Variants in SIPA1L1 observed in about 807,000 individuals in gnomAD.
SIPA1L1 encodes signal induced proliferation associated 1 like 1.
A neutral mutation model predicts 162.7 loss-of-function variants in SIPA1L1; 26 were observed. The ratio of observed to expected loss-of-function variants is 0.16; its 90% CI spans 0.12 to 0.22. SIPA1L1 has a LOEUF of 0.22. Ranked by LOEUF, SIPA1L1 falls within the 10% of genes least tolerant of loss-of-function variation. The pLI is 1.00. For synonymous variants in SIPA1L1, 829 were observed against 837.4 expected, an observed-to-expected ratio of 0.99 and a Z score of 0.17; for missense variants, 1,874 against 2,241.0, an observed-to-expected ratio of 0.84 and a Z score of 3.31.
intron 4 of SIPA1L1, among the ~76,000 whole-genome samples, chr14:71,545,703 G>A (rs1017365710): frequency 1.2e-4 from 18 of 151,934 alleles, no homozygotes; most frequent in African/African-American, 3.9e-4. Flanking sequence ...CTGGCCCATC[G>A]AACTAGCTAG....
At chr14:71,604,229 G>A (rs2037210973) in intron 5 of SIPA1L1, among the ~76,000 whole-genome samples, 1 of 151,714 alleles carries the variant, frequency 6.6e-6, no homozygotes, top group Non-Finnish European at 1.5e-5. Context: ...GAACTCCTGA[G>A]CTCAAGCCAT....
chr14:71,427,707 A>C (rs1359797655), intron 2 of SIPA1L1, among the ~76,000 whole-genome samples: 2 of 151,882 alleles, frequency 1.3e-5, no homozygotes, highest in East Asian at 3.9e-4. Context: ...TGATTCCCTC[A>C]GTGGATTTTT....
intron 14 of SIPA1L1, among the ~76,000 whole-genome samples, chr14:71,701,049 A>G (rs2082065737): frequency 6.8e-6 from 1 of 147,194 alleles, no homozygotes; most frequent in Non-Finnish European, 1.5e-5. Context: ...TATTAAGATA[A>G]GTGTTTTTCT....
At chr14:71,356,567 C>CAAAAAAAAAAAAAAAAAAA (rs71105772) in intron 2 of SIPA1L1, among the ~76,000 whole-genome samples, 950 of 39,142 alleles carry the variant, frequency 0.024, 365 homozygotes, top group Middle Eastern at 0.036. Context: ...CTTGTCTCTA[C>CAAAAAAAAAAAAAAAAAAA]AAAAAAAAAA....
intron 7 of SIPA1L1, among the ~76,000 whole-genome samples, chr14:71,636,974 C>T (rs1305274126): frequency 6.6e-6 from 1 of 151,270 alleles, no homozygotes; most frequent in Admixed American, 6.6e-5. Flanking sequence ...TTATTTGAAC[C>T]CGGGAGGCAG....
At chr14:71,502,010 C>G (rs996573393) in intron 2 of SIPA1L1, among the ~76,000 whole-genome samples, 2 of 148,550 alleles carry the variant, frequency 1.3e-5, no homozygotes, top group Non-Finnish European at 3.0e-5. Context: ...TACACTCTAC[C>G]CTGGGCGACA....
chr14:71,517,429 A>AC (rs2051854411), intron 3 of SIPA1L1, among the ~76,000 whole-genome samples: 1 of 152,128 alleles, frequency 6.6e-6, no homozygotes, highest in Admixed American at 6.6e-5. Flanking sequence ...TGCAAACAAA[A>AC]CCACATTCTG....
At chr14:71,571,824 T>G (rs1230369682) in intron 4 of SIPA1L1, among the ~76,000 whole-genome samples, 1 of 151,262 alleles carries the variant, frequency 6.6e-6, no homozygotes, top group East Asian at 1.9e-4. Flanking sequence ...TTTTTTTTTT[T>G]TGTATTTTTA....
intron 5 of SIPA1L1, among the ~76,000 whole-genome samples, chr14:71,611,836 C>A (rs191145356): frequency 5.9e-5 from 9 of 152,156 alleles, no homozygotes; most frequent in African/African-American, 2.2e-4. Flanking sequence ...CAAGTCTTTG[C>A]TATTGTAAAT....
chr14:71,327,080 C>CTT (rs532549428), intron 2 of SIPA1L1, among the ~76,000 whole-genome samples: 14 of 127,710 alleles, frequency 1.1e-4, no homozygotes, highest in East Asian at 2.3e-4. Flanking sequence ...TGATTGAAAT[C>CTT]TTTTTTTTTT....
At chr14:71,536,827 T>C (rs1227037841) in intron 4 of SIPA1L1, among the ~76,000 whole-genome samples, 4 of 152,270 alleles carry the variant, frequency 2.6e-5, no homozygotes, top group Admixed American at 2.0e-4. Flanking sequence ...GGCGTTATAA[T>C]GTGTTTTTAA....
intron 2 of SIPA1L1, among the ~76,000 whole-genome samples, chr14:71,383,818 G>T (rs2040102064): frequency 6.6e-6 from 1 of 152,134 alleles, no homozygotes; most frequent in Non-Finnish European, 1.5e-5. Flanking sequence ...CCATGATCTA[G>T]TACCTCCCAG....
At chr14:71,643,782 A>G (rs1596597549) in intron 7 of SIPA1L1, among the ~76,000 whole-genome samples, 1 of 152,222 alleles carries the variant, frequency 6.6e-6, no homozygotes, top group African/African-American at 2.4e-5. Flanking sequence ...TATAACACCA[A>G]AACTCAACAA....
At chr14:71,726,784 T>G (rs1207126243) in intron 19 of SIPA1L1, among the ~76,000 whole-genome samples, 2 of 152,166 alleles carry the variant, frequency 1.3e-5, no homozygotes, top group Admixed American at 6.5e-5. Context: ...TTCAGATGAG[T>G]TCAGCTTAGT....
chr14:71,495,738 T>C (rs141568579), intron 2 of SIPA1L1, among the ~76,000 whole-genome samples: 256 of 151,750 alleles, frequency 1.7e-3, no homozygotes, highest in African/African-American at 5.8e-3. Context: ...TTTTCTAAAA[T>C]AGGTTTAAGT....
In SIPA1L1 at chr14:71,567,315, C is replaced by T. The variant is rs191521860; in HGVS notation, c.-302-20256C>T. ...AGAAGATGTGAAAGGAAGGTTCCTC[C>T]TATCATTGTTTTTAATAGCAAAAAA... On this transcript the variant is annotated intron_variant, in intron 4 of 23. Transcript: ENST00000381232. Among the ~76,000 whole-genome samples the T allele has an allele frequency of 3.1e-4, 47 of 152,280 alleles. 1 individual carries two copies. Among genetic ancestry groups the T allele is most frequent in the East Asian group, 1.9e-4 (1 of 5,188 alleles).
intron 2 of SIPA1L1, among the ~76,000 whole-genome samples, chr14:71,344,124 T>C (rs1046176429): frequency 6.6e-6 from 1 of 152,216 alleles, no homozygotes; most frequent in Non-Finnish European, 1.5e-5. Flanking sequence ...TTAATGTTCA[T>C]AGCAAACATT....
Position 71,730,304 on chromosome 14 carries a change from A to G in SIPA1L1, c.4861+3A>G. The G allele has an allele frequency of 1.2e-6, 2 of 1,613,760 alleles. No homozygotes were observed. Among genetic ancestry groups the G allele is most frequent in the Non-Finnish European group, 1.7e-6 (2 of 1,179,802 alleles). ...CTTAGGAATGAAATCGCTGCATGGTAAGTGGTCTTTCAGCTGCAGCCTGGA... is the reference window on the plus strand; with the variant it reads ...CTTAGGAATGAAATCGCTGCATGGTGAGTGGTCTTTCAGCTGCAGCCTGGA... On this transcript the variant is annotated splice_donor_region_variant and intron_variant, in intron 20 of 23. Coordinates refer to ENST00000381232, the MANE Select transcript of SIPA1L1 (RefSeq NM_001386936.1).
intron 2 of SIPA1L1, among the ~76,000 whole-genome samples, chr14:71,406,551 A>G (rs2042040067): frequency 6.6e-6 from 1 of 152,164 alleles, no homozygotes; most frequent in African/African-American, 2.4e-5. Context: ...GTCCCTTGAT[A>G]AGAGGGTTGC....
Sources: gnomAD v4.1 joint callset for allele counts (sites outside exome capture counted in the v4.1 genomes callset) on GRCh38, gnomAD v4.1.1 for gene constraint, MANE v1.5 for transcripts, NCBI Gene and HGNC (gene_info 2026-07-23, HGNC 2026-07-21) for gene names.